The following PTPN3 variants were observed in gnomAD, a reference collection of about 807,000 sequenced individuals.
PTPN3 encodes tyrosine-protein phosphatase non-receptor type 3.
PTPN3 carries 96 observed loss-of-function variants against 132.7 expected under a neutral mutation model. The ratio of observed to expected loss-of-function variants is 0.72; its 90% confidence interval spans 0.61 to 0.86. The LOEUF (loss-of-function observed/expected upper bound fraction) is 0.86. Ranked by LOEUF, PTPN3 falls within the 40% of genes least tolerant of loss-of-function variation. The pLI is 0.00. For missense variants in PTPN3, 1,125 were observed against 1,159.6 expected, an observed-to-expected ratio of 0.97 and a Z score of 0.43; for synonymous variants, 398 against 429.0, an observed-to-expected ratio of 0.93 and a Z score of 0.89.
intron 18 of PTPN3, among the ~76,000 whole-genome samples, chr9:109,405,164 T>C (rs546450899): frequency 1.3e-5 from 2 of 152,306 alleles, no homozygotes; most frequent in African/African-American, 4.8e-5. Context: ...ACCTCTTTAG[T>C]GCACGTTTTC....
chr9:109,395,056 C>T (rs1326075632), intron 19 of PTPN3, among the ~76,000 whole-genome samples: 9 of 151,298 alleles, frequency 5.9e-5, no homozygotes, highest in East Asian at 1.9e-4. Context: ...AGGAGAATGG[C>T]GTGAACCAGG....
Position 109,384,287 on chromosome 9 carries a change from A to G in PTPN3, c.2254-736T>C, listed in dbSNP as rs115005930. On this transcript the variant is annotated intron_variant, in intron 22 of 25. Transcript: ENST00000374541. ...AAAACCCAGATTAAGGGACTCACAA[A>G]TCGAGATGAATACCTTTCTCACTGG... is the stretch of plus-strand genomic sequence containing the variant. Among the ~76,000 whole-genome samples the G allele has an allele frequency of 7.9e-3, 1,205 of 152,306 alleles. 9 individuals are homozygous for G. Among genetic ancestry groups the G allele is most frequent in the African/African-American group, 0.028 (1,144 of 41,570 alleles).
chr9:109,460,044 A>G (rs1475618080), intron 2 of PTPN3, among the ~76,000 whole-genome samples: 1 of 151,876 alleles, frequency 6.6e-6, no homozygotes, highest in African/African-American at 2.4e-5. Flanking sequence ...ATCTCGTACC[A>G]TTCCTATACT....
the PTPN3 span, among the ~76,000 whole-genome samples, chr9:109,510,584 T>A: frequency 9.5e-6 from 1 of 105,430 alleles, no homozygotes; most frequent in African/African-American, 3.3e-5. Flanking sequence ...AAAATATATA[T>A]ATATATATAT....
At chr9:109,426,804 CTT>C in intron 12 of PTPN3, 144 bp downstream of exon 12, 1 of 886,548 alleles carries the variant, frequency 1.1e-6, no homozygotes, top group Non-Finnish European at 1.7e-6. Flanking sequence ...CCCCGGGAGA[CTT>C]TTAGTTATGG....
At position 109,462,096 on chromosome 9, in the gene PTPN3, G is replaced by A. The variant is rs1000343174; in HGVS notation, c.138+1201C>T. 7.9e-5 allele frequency among the ~76,000 whole-genome samples: 12 copies of A among 152,238 alleles called. No homozygotes were observed. In the South Asian group the frequency reaches 1.7e-3, roughly 21 times the overall value. ...GGAATAGCTGGAGGCCTGGGTGCTCGTGGAAGAGTGGGGCAGAAGGCTGGG... is the reference window on the plus strand; with the variant it reads ...GGAATAGCTGGAGGCCTGGGTGCTCATGGAAGAGTGGGGCAGAAGGCTGGG... On this transcript the variant is annotated intron_variant, in intron 2 of 25. Coordinates refer to ENST00000374541, the MANE Select transcript of PTPN3 (RefSeq NM_002829.4).
At chr9:109,455,525 C>G (rs1021472533) in intron 4 of PTPN3, among the ~76,000 whole-genome samples, 1 of 152,238 alleles carries the variant, frequency 6.6e-6, no homozygotes, top group Non-Finnish European at 1.5e-5. Flanking sequence ...TCATCTGCAG[C>G]GTGTGTTCAA....
rs1221430214 is a variant in PTPN3 at position 109,465,701 on chromosome 9, T to C, written c.-17-2250A>G. 1.1e-4 allele frequency among the ~76,000 whole-genome samples: 7 copies of C among 63,630 alleles called. No individual in the cohort carries two copies. The Admixed American group carries it at 1.2e-3, about 11-fold the overall frequency. The allele number at this position is 63,630 out of a possible 152,430, so 41.7% of individuals were successfully genotyped here. ...TCCCTGGGCAAAAAGAACAAAACTC[T>C]GTCTCAAAAAAAAAAAAAAAAAAAA... On this transcript the variant is annotated intron_variant, in intron 1 of 25. Coordinates refer to ENST00000374541, the MANE Select transcript of PTPN3 (RefSeq NM_002829.4).
intron 1 of PTPN3, among the ~76,000 whole-genome samples, chr9:109,466,194 C>T (rs1244403808): frequency 2.0e-5 from 3 of 151,848 alleles, no homozygotes; most frequent in African/African-American, 4.8e-5. Flanking sequence ...AGTAAATGTC[C>T]GAATGAATGG....
the PTPN3 span, among the ~76,000 whole-genome samples, chr9:109,538,064 G>T: frequency 3.3e-5 from 5 of 152,212 alleles, no homozygotes; most frequent in Non-Finnish European, 7.3e-5. Context: ...TGCAATGGCT[G>T]CCTCTTTTTG....
intron 1 of PTPN3, among the ~76,000 whole-genome samples, chr9:109,491,493 T>C (rs1034207916): frequency 1.3e-5 from 2 of 152,040 alleles, no homozygotes; most frequent in Non-Finnish European, 2.9e-5. Flanking sequence ...TGGGTCTGAA[T>C]TGTATCAAAA....
At chr9:109,398,398 T>G (rs1840771200) in intron 19 of PTPN3, among the ~76,000 whole-genome samples, 1 of 152,230 alleles carries the variant, frequency 6.6e-6, no homozygotes, top group Non-Finnish European at 1.5e-5. Context: ...CTTTTATAAT[T>G]ATCACAGGAG....
intron 1 of PTPN3, among the ~76,000 whole-genome samples, chr9:109,487,264 A>G (rs948684715): frequency 6.6e-6 from 1 of 152,220 alleles, no homozygotes; most frequent in South Asian, 2.1e-4. Context: ...CTCTGACCAA[A>G]TGGGCTGAGA....
intron 14 of PTPN3, among the ~76,000 whole-genome samples, chr9:109,416,483 A>G (rs893882636): frequency 2.6e-4 from 39 of 149,770 alleles, no homozygotes; most frequent in African/African-American, 9.1e-4. Flanking sequence ...TCTCACTCCA[A>G]TGCCCAGCCT....
At chr9:109,479,993 T>C (rs1846884148) in intron 1 of PTPN3, among the ~76,000 whole-genome samples, 1 of 152,220 alleles carries the variant, frequency 6.6e-6, no homozygotes, top group South Asian at 2.1e-4. Context: ...ACTTGTTAGT[T>C]TCCTGTTTTT....
At chr9:109,406,338 A>T in intron 18 of PTPN3, 124 bp downstream of exon 18, 1 of 1,274,558 alleles carries the variant, frequency 7.8e-7, no homozygotes, top group Non-Finnish European at 1.1e-6. Context: ...TTATTACCTG[A>T]AGATTCTTGA....
chr9:109,489,445 T>G (rs2132119111), intron 1 of PTPN3, among the ~76,000 whole-genome samples: 1 of 152,314 alleles, frequency 6.6e-6, no homozygotes, highest in East Asian at 1.9e-4. Context: ...CCATGCTGGC[T>G]CACCCTGCAC....
Position 109,379,607 on chromosome 9 carries a change from C to T in PTPN3, c.2691G>A (p.Ala897=), listed in dbSNP as rs137963642. 4.8e-5 allele frequency: 77 copies of T among 1,614,002 alleles called. No homozygotes were observed. In the South Asian group the frequency reaches 6.8e-4, roughly 14 times the overall value. ...TSSQYKFVCE[A]ILRVYEEGLV... is the part of the protein sequence containing the mutation. ...AACCTTCTTCATACACACGAAGAATCGCTTCACACACAAACTTGTACTGGC... is the reference window on the plus strand; with the variant it reads ...AACCTTCTTCATACACACGAAGAATTGCTTCACACACAAACTTGTACTGGC... The change falls in exon 26 of 26, where the codon GCG becomes GCA. Residue 897 remains alanine, a synonymous_variant. Coordinates refer to ENST00000374541, the MANE Select transcript of PTPN3 (RefSeq NM_002829.4).
Position 109,391,595 on chromosome 9 carries a change from C to T in PTPN3, c.1954-34G>A, listed in dbSNP as rs776503867. 4 of 1,523,308 alleles carry T rather than the reference C, an allele frequency of 2.6e-6. No individual in the cohort carries two copies. The Admixed American group carries it at 7.2e-5, about 27-fold the overall frequency. The allele number at this position is 1,523,308 out of a possible 1,614,324, so 94.4% of individuals were successfully genotyped here. ...GAAATAGAGAAAAAAGCAAGCATTG[C>T]AAAAATCAGATGAAGAAAGTGTGAA... is the stretch of plus-strand genomic sequence containing the variant. On this transcript the variant is annotated intron_variant, in intron 19 of 25. Transcript: ENST00000374541.
Sources: allele counts gnomAD v4.1 joint callset (sites outside exome capture counted in the v4.1 genomes callset), GRCh38; gene constraint gnomAD v4.1.1; transcripts MANE v1.5; gene names NCBI Gene and HGNC (gene_info 2026-07-23, HGNC 2026-07-21).